The following CYP4F8 variants were observed in gnomAD, a reference collection of about 807,000 sequenced individuals.
CYP4F8 encodes the protein cytochrome P450 family 4 subfamily F member 8, also known as cytochrome P450 4F8.
Under a neutral mutation model 55.0 loss-of-function variants are expected in CYP4F8, and 56 were observed. The ratio of observed to expected loss-of-function variants is 1.02; its 90% confidence interval spans 0.82 to 1.27. The LOEUF is 1.27. Ranked by LOEUF, CYP4F8 falls within the 50% of genes most tolerant of loss-of-function variation. CYP4F8 has a pLI of 0.00. For synonymous variants in CYP4F8, 288 were observed against 267.3 expected (o/e 1.08, Z -0.76); for missense variants, 680 against 682.4 (o/e 1.00, Z 0.04).
In CYP4F8 at chr19:15,629,295, G is replaced by C. The variant is rs759113753; in HGVS notation, c.1500G>C (p.Arg500Ser). 6.2e-7 allele frequency: 1 copy of C among 1,613,106 alleles called. No individual in the cohort carries two copies. The highest frequency in any genetic ancestry group is 2.2e-5 in the East Asian group (1 of 44,888). Reference protein sequence around the residue: ...RILPDHREPRRTPEIVLRAED... With the variant: ...RILPDHREPRSTPEIVLRAED... ...TGCCCGACCACAGGGAGCCACGCAG[G>C]ACGCCGGAGATTGTTTTGCGTGCGG... Residue 500 changes from arginine (R) to serine (S), a missense_variant, in exon 13 of 13, where the codon AGG becomes AGC. Physicochemically the swap from Arg to Ser is moderately radical, Grantham distance 110. Transcript: ENST00000612078.
intron 5 of CYP4F8, among the ~76,000 whole-genome samples, chr19:15,621,462 G>A (rs1008546742): frequency 6.6e-6 from 1 of 152,166 alleles, no homozygotes; most frequent in African/African-American, 2.4e-5. Context: ...GCAGGCAGAG[G>A]TTGCAGTGAG....
At position 15,615,225 on chromosome 19, in the gene CYP4F8, ACCT is replaced by A. The variant is rs967399266; in HGVS notation, c.-53_-51del. ...CCTAGATCTGGGGCCAGGAGCAAAA[ACCT>A]CCTGGCAAAGGAGGAGAGGAGGTTG... On this transcript the variant is annotated 5_prime_UTR_variant, in exon 1 of 13. Transcript: ENST00000612078. 6.2e-6 allele frequency: 1 copy of A among 160,982 alleles called. No homozygotes were observed. Among genetic ancestry groups the A allele is most frequent in the African/African-American group, 2.4e-5 (1 of 41,368 alleles). 10.0% of individuals were successfully genotyped at this position (160,982 alleles called of 1,614,324 possible).
intron 6 of CYP4F8, chr19:15,622,884 T>C: frequency 5.1e-6 from 3 of 587,086 alleles, no homozygotes; most frequent in Non-Finnish European, 9.0e-6. Flanking sequence ...CAGGAGCAGA[T>C]GTTTTATAAG....
At chr19:15,624,715 C>T (rs965070050) in intron 9 of CYP4F8, among the ~76,000 whole-genome samples, 1 of 152,054 alleles carries the variant, frequency 6.6e-6, no homozygotes, top group Non-Finnish European at 1.5e-5. Flanking sequence ...CCAGAAGTGC[C>T]TATTATGAAA....
intron 9 of CYP4F8, chr19:15,628,014 C>T (rs1316448479): frequency 7.7e-6 from 3 of 388,076 alleles, no homozygotes; most frequent in African/African-American, 4.2e-5. Context: ...CTGCCTCAGG[C>T]TTCCAAAGTG....
chr19:15,618,813 T>C, intron 3 of CYP4F8: 1 of 182,052 alleles, frequency 5.5e-6, no homozygotes, highest in Non-Finnish European at 1.2e-5. Flanking sequence ...CACCATATGT[T>C]CATTGCCCTC....
In CYP4F8 at chr19:15,628,409, T is replaced by G; in HGVS notation, c.1223T>G (p.Leu408Arg). ...CGCGGCTGCACCCAGGACGTGGTGC[T>G]CCCAGACAGCCGAGTCATCCCCAAA... Reference protein sequence around the residue: ...FARGCTQDVVLPDSRVIPKGN... With the variant: ...FARGCTQDVVRPDSRVIPKGN... Residue 408 changes from leucine to arginine, a missense_variant, in exon 10 of 13, where the codon CTC becomes CGC. By Grantham distance (102) the Leu-to-Arg change is moderately radical. Coordinates refer to ENST00000612078, the MANE Select transcript of CYP4F8 (RefSeq NM_007253.4). 2 of 1,614,096 alleles carry G rather than the reference T, an allele frequency of 1.2e-6. No homozygotes were observed. Among genetic ancestry groups the G allele is most frequent in the East Asian group, 4.5e-5 (2 of 44,870 alleles).
intron 6 of CYP4F8, chr19:15,622,781 A>T (rs1453374201): frequency 9.2e-6 from 4 of 436,630 alleles, no homozygotes; most frequent in African/African-American, 8.0e-5. Flanking sequence ...ATTGACTGTC[A>T]TGTAGACACA....
chr19:15,622,449 C>A, intron 6 of CYP4F8, 109 bp downstream of exon 6: 1 of 1,444,260 alleles, frequency 6.9e-7, no homozygotes, highest in Non-Finnish European at 9.4e-7. Context: ...ATGATGAGAA[C>A]TAGGCATTGA....
At chr19:15,628,686 C>T (rs1221860847) in intron 11 of CYP4F8, 75 bp from the exon 12 acceptor site, 27 of 1,607,576 alleles carry the variant, frequency 1.7e-5, no homozygotes, top group Non-Finnish European at 1.9e-5. Context: ...CTACTCCACC[C>T]ACATCTGTTT....
rs1340176855 is a variant in CYP4F8 at position 15,630,168 on chromosome 19, T to C, written c.*810T>C. 6.6e-6 allele frequency: 1 copy of C among 152,010 alleles called. No individual in the cohort carries two copies. Among genetic ancestry groups the C allele is most frequent in the Non-Finnish European group, 1.5e-5 (1 of 68,008 alleles). 9.4% of individuals were successfully genotyped at this position (152,010 alleles called of 1,614,324 possible). ...AGGTGTGAGAATAAAAATTCTTGAG[T>C]TTCAATGTTTATTTTAGAATCAGGT... On this transcript the variant is annotated 3_prime_UTR_variant, in exon 13 of 13. Coordinates refer to ENST00000612078, the MANE Select transcript of CYP4F8 (RefSeq NM_007253.4).
In CYP4F8 at chr19:15,628,852, AG is replaced by A. The variant is rs749259240; in HGVS notation, c.1397+14del. 11 of 1,584,484 alleles carry A rather than the reference AG, an allele frequency of 6.9e-6. No individual in the cohort carries two copies. The highest frequency in any genetic ancestry group is 9.4e-6 in the Non-Finnish European group (11 of 1,166,878). On this transcript the variant is annotated intron_variant, in intron 12 of 12. Transcript: ENST00000612078. ...TTCTCGGCGGGGCCCAGGTGAGGCC[AG>A]GGGGTGTCTGAGGTGGGCATGGGCT... is the stretch of plus-strand genomic sequence containing the variant.
Position 15,615,723 on chromosome 19 carries a change from C to T in CYP4F8, c.107C>T (p.Ala36Val). ...TCCTGGCTCCTGGCCCGCATCCTGG[C>T]CTGGACCTATGCCTTCTATCACAAC... ...GASWLLARILAWTYAFYHNGR... is the reference protein window; with the variant it reads ...GASWLLARILVWTYAFYHNGR... Residue 36 changes from alanine (A) to valine (V), a missense_variant, in exon 2 of 13, where the codon GCC becomes GTC. Transcript: ENST00000612078. 1 of 1,614,108 alleles carries T rather than the reference C, an allele frequency of 6.2e-7. No individual in the cohort carries two copies. Among genetic ancestry groups the T allele is most frequent in the Admixed American group, 1.7e-5 (1 of 60,018 alleles).
chr19:15,618,426 G>A, intron 3 of CYP4F8: 1 of 535,644 alleles, frequency 1.9e-6, no homozygotes. Flanking sequence ...AACTTGAAGA[G>A]ATGGAGCAGT....
intron 6 of CYP4F8, among the ~76,000 whole-genome samples, chr19:15,622,555 A>G (rs1361815842): frequency 6.6e-6 from 1 of 152,176 alleles, no homozygotes; most frequent in Non-Finnish European, 1.5e-5. Flanking sequence ...CAAGGAGGCT[A>G]AGATGAACAG....
At chr19:15,623,938 A>C (rs1289505370) in intron 8 of CYP4F8, 27 bp from the exon 9 acceptor site, 1 of 1,612,624 alleles carries the variant, frequency 6.2e-7, no homozygotes, top group East Asian at 2.2e-5. Context: ...CAGCCCAGAG[A>C]CTCAAGCCTG....
At chr19:15,623,613 C>T (rs542533427) in intron 7 of CYP4F8, 86 bp from the exon 8 acceptor site, 117 of 1,485,588 alleles carry the variant, frequency 7.9e-5, no homozygotes, top group Admixed American at 1.5e-4. Context: ...GGGAGGGATC[C>T]TTCTGGGATA....
At chr19:15,620,305 C>A (rs1434702027) in intron 5 of CYP4F8, among the ~76,000 whole-genome samples, 1 of 152,168 alleles carries the variant, frequency 6.6e-6, no homozygotes, top group Non-Finnish European at 1.5e-5. Context: ...CCATGTGATT[C>A]TCTGCCTCTA....
At chr19:15,622,515 T>C (rs1319121514) in intron 6 of CYP4F8, among the ~76,000 whole-genome samples, 175 bp downstream of exon 6, 2 of 151,852 alleles carry the variant, frequency 1.3e-5, no homozygotes, top group African/African-American at 4.8e-5. Flanking sequence ...AGAAGTTTCC[T>C]CCAAACAAGT....
Sources: gnomAD v4.1 joint callset for allele counts (sites outside exome capture counted in the v4.1 genomes callset) on GRCh38, gnomAD v4.1.1 for gene constraint, MANE v1.5 for transcripts, NCBI Gene and HGNC (gene_info 2026-07-23, HGNC 2026-07-21) for gene names.